ENPP6: variants seen among roughly 807,000 people sequenced by gnomAD.
ENPP6 encodes the protein glycerophosphocholine cholinephosphodiesterase ENPP6.
In ENPP6, 32 loss-of-function variants were observed where a neutral mutation model predicts 42.0. The ratio of observed to expected loss-of-function variants is 0.76; its 90% CI spans 0.58 to 1.02. The LOEUF is 1.02. Among genes scored for constraint, ENPP6 ranks in the 50% least tolerant of loss-of-function variants. The pLI, the probability that ENPP6 is intolerant of heterozygous loss-of-function variation, is 0.00. For missense variants in ENPP6, 552 were observed against 566.8 expected, an observed-to-expected ratio of 0.97 and a Z score of 0.27; for synonymous variants, 213 against 216.0, an observed-to-expected ratio of 0.99 and a Z score of 0.12.
chr4:184,192,980 T>A (rs1409483120), intron 1 of ENPP6, among the ~76,000 whole-genome samples: 1 of 152,128 alleles, frequency 6.6e-6, no homozygotes, highest in Non-Finnish European at 1.5e-5. Flanking sequence ...TTTAAAAAGA[T>A]AATAACAAGT....
At chr4:184,110,779 T>C (rs1210565977) in intron 6 of ENPP6, among the ~76,000 whole-genome samples, 2 of 152,204 alleles carry the variant, frequency 1.3e-5, no homozygotes, top group East Asian at 3.9e-4. Context: ...TCCAGACTTC[T>C]AGTTATGTGG....
intron 7 of ENPP6, among the ~76,000 whole-genome samples, chr4:184,092,888 A>G (rs1735832776): frequency 6.6e-6 from 1 of 152,254 alleles, no homozygotes; most frequent in African/African-American, 2.4e-5. Flanking sequence ...GTTAAAAAGC[A>G]AACAAACAAC....
In ENPP6 at chr4:184,124,180, C is replaced by T. The variant is rs760169606; in HGVS notation, c.514G>A (p.Asp172Asn). The change falls in exon 3 of 8, where the codon GAT becomes AAT. Residue 172 changes from aspartate (D) to asparagine (N), a missense_variant. Asp to Asn is a conservative substitution (Grantham distance 23). Transcript: ENST00000296741. ...TDINFANAVSDALDSFKSGRA... is the reference protein window; with the variant it reads ...TDINFANAVSNALDSFKSGRA... ...ACTTACTTGAAGGAGTCAAGAGCAT[C>T]GCTGACTGCATTGGCAAAATTGATA... 4.3e-6 allele frequency: 7 copies of T among 1,613,866 alleles called. No individual in the cohort carries two copies. The highest frequency in any genetic ancestry group is 1.6e-4 in the Middle Eastern group (1 of 6,062).
At chr4:184,203,183 G>A (rs375789995) in intron 1 of ENPP6, among the ~76,000 whole-genome samples, 2 of 152,174 alleles carry the variant, frequency 1.3e-5, no homozygotes, top group Non-Finnish European at 2.9e-5. Flanking sequence ...CCAGGGAAGC[G>A]GAGGTTGCAG....
chr4:184,173,016 G>T (rs1737494950), intron 1 of ENPP6, among the ~76,000 whole-genome samples: 2 of 152,106 alleles, frequency 1.3e-5, no homozygotes, highest in African/African-American at 4.8e-5. Flanking sequence ...GCAATTCTCT[G>T]CCTCAGCCTC....
At chr4:184,217,508 G>A in intron 1 of ENPP6, 71 bp downstream of exon 1, 2 of 1,582,010 alleles carry the variant, frequency 1.3e-6, no homozygotes, top group South Asian at 2.3e-5. Context: ...AGACTCCAAT[G>A]CCAGGAGCTC....
At chr4:184,185,391 A>T (rs1303414006) in intron 1 of ENPP6, among the ~76,000 whole-genome samples, 2 of 152,220 alleles carry the variant, frequency 1.3e-5, no homozygotes, top group African/African-American at 4.8e-5. Flanking sequence ...AATGAGGGAC[A>T]ACGCATCCCT....
chr4:184,097,464 C>T, intron 6 of ENPP6, 96 bp from the exon 7 acceptor site: 1 of 1,547,158 alleles, frequency 6.5e-7, no homozygotes, highest in South Asian at 1.2e-5. Context: ...GGGGCGCTTT[C>T]CTCCTCTGCG....
intron 5 of ENPP6, among the ~76,000 whole-genome samples, chr4:184,113,911 C>CTTTCTTTCTT (rs1736260406): frequency 1.7e-5 from 2 of 121,070 alleles, no homozygotes; most frequent in Non-Finnish European, 3.6e-5. Context: ...TTCTTTCTTT[C>CTTTCTTTCTT]TTTCTTTCTT....
intron 1 of ENPP6, 29 bp downstream of exon 1, chr4:184,217,550 C>A: frequency 1.2e-6 from 2 of 1,611,100 alleles, no homozygotes; most frequent in South Asian, 2.2e-5. Context: ...GCCCTCCCCT[C>A]CCTGCCCAGA....
At chr4:184,132,009 T>C (rs1736645257) in intron 2 of ENPP6, among the ~76,000 whole-genome samples, 1 of 152,186 alleles carries the variant, frequency 6.6e-6, no homozygotes, top group Non-Finnish European at 1.5e-5. Flanking sequence ...GAGCAGAAGA[T>C]GGATGTCCCA....
chr4:184,092,432 A>G (rs1440595288), intron 7 of ENPP6, among the ~76,000 whole-genome samples: 1 of 152,222 alleles, frequency 6.6e-6, no homozygotes, highest in East Asian at 1.9e-4. Context: ...GCCTCTGCCC[A>G]GAGTGGCCCC....
chr4:184,151,197 G>T (rs1459222383), intron 2 of ENPP6, among the ~76,000 whole-genome samples: 1 of 152,188 alleles, frequency 6.6e-6, no homozygotes, highest in East Asian at 1.9e-4. Context: ...AATTAGCCAG[G>T]CGTGGTGGTG....
rs200685284 is a variant in ENPP6 at position 184,109,233 on chromosome 4, CAAA to C, written c.993+3436_993+3438del. On this transcript the variant is annotated intron_variant, in intron 6 of 7. Transcript: ENST00000296741. ...CTCAAAAACAAAACAACAACAACAA[CAAA>C]AAAAAACAAAACAAACAAACAAAAA... Among the ~76,000 whole-genome samples the C allele has an allele frequency of 5.8e-3, 591 of 101,642 alleles. 3 individuals carry two copies. Among genetic ancestry groups the C allele is most frequent in the African/African-American group, 0.021 (548 of 26,200 alleles). 66.7% of individuals were successfully genotyped at this position (101,642 alleles called of 152,430 possible). A position where few individuals can be genotyped will look rare whatever the true frequency, so the allele number is the denominator to read the frequency against.
intron 1 of ENPP6, among the ~76,000 whole-genome samples, chr4:184,173,934 G>A (rs1226766686): frequency 6.6e-6 from 1 of 152,102 alleles, no homozygotes; most frequent in Non-Finnish European, 1.5e-5. Context: ...CATCCCGGGG[G>A]GACACCTGGT....
chr4:184,175,179 G>A (rs865776947), intron 1 of ENPP6, among the ~76,000 whole-genome samples: 5 of 151,836 alleles, frequency 3.3e-5, no homozygotes, highest in African/African-American at 7.3e-5. Flanking sequence ...CTCCTCCGCC[G>A]CCCGGAACTC....
chr4:184,141,319 A>G (rs1477824607), intron 2 of ENPP6, among the ~76,000 whole-genome samples: 2 of 152,050 alleles, frequency 1.3e-5, no homozygotes, highest in Admixed American at 6.6e-5. Context: ...CCTCCGGGCC[A>G]TTTTCATGGC....
chr4:184,132,719 A>G (rs1053904350), intron 2 of ENPP6, among the ~76,000 whole-genome samples: 3 of 151,904 alleles, frequency 2.0e-5, no homozygotes, highest in Admixed American at 6.6e-5. Context: ...GGAATTACCT[A>G]GAATTAATTT....
intron 2 of ENPP6, among the ~76,000 whole-genome samples, chr4:184,139,329 TG>T (rs1736781602): frequency 6.6e-6 from 1 of 151,768 alleles, no homozygotes; most frequent in South Asian, 2.1e-4. Flanking sequence ...TATTCTGAGG[TG>T]AATTTTTTTT....
Sources: allele counts gnomAD v4.1 joint callset (sites outside exome capture counted in the v4.1 genomes callset), GRCh38; gene constraint gnomAD v4.1.1; transcripts MANE v1.5; gene names NCBI Gene and HGNC (gene_info 2026-07-23, HGNC 2026-07-21).